The following LRIG1 variants were observed in gnomAD, a reference collection of about 807,000 sequenced individuals.
LRIG1 encodes leucine-rich repeats and immunoglobulin-like domains protein 1.
LRIG1 carries 48 observed loss-of-function variants against 99.2 expected under a neutral mutation model. That is an observed-to-expected ratio of 0.48 (90% CI 0.38 to 0.62). LRIG1 has a LOEUF of 0.62. Among genes scored for constraint, LRIG1 ranks in the 20% least tolerant of loss-of-function variants. The pLI, the probability that LRIG1 is intolerant of heterozygous loss-of-function variation, is 0.00. For synonymous variants in LRIG1, 772 were observed against 596.1 expected (o/e 1.29, Z -4.30); for missense variants, 1,646 against 1,434.4 (o/e 1.15, Z -2.38).
chr3:66,422,792 C>A (rs1392371813), intron 3 of LRIG1, among the ~76,000 whole-genome samples: 4 of 152,190 alleles, frequency 2.6e-5, no homozygotes, highest in Non-Finnish European at 5.9e-5. Flanking sequence ...GATAAAGACA[C>A]AAAGACTGGG....
chr3:66,493,840 AGAGAG>A, intron 1 of LRIG1, among the ~76,000 whole-genome samples: 1 of 144,336 alleles, frequency 6.9e-6, no homozygotes, highest in Admixed American at 6.9e-5. Context: ...AAAAAAAGAG[AGAGAG>A]AGAGAAAGAG....
intron 1 of LRIG1, among the ~76,000 whole-genome samples, chr3:66,466,040 A>AT (rs925042001): frequency 4.6e-5 from 7 of 151,896 alleles, no homozygotes; most frequent in African/African-American, 1.7e-4. Context: ...TCAGAATTTC[A>AT]TTTTTTTTAG....
intron 3 of LRIG1, among the ~76,000 whole-genome samples, chr3:66,444,254 A>G (rs578236862): frequency 6.6e-6 from 1 of 152,330 alleles, no homozygotes; most frequent in Admixed American, 6.5e-5. Context: ...TGCTGGGCAG[A>G]CTTGAGTGGT....
rs568097016 is a variant in LRIG1, at chr3:66,397,296, C to T, written c.1304+816G>A. ...CAACTGAGGGTTCATCAAGAGTGGC[C>T]TCGGGGAATGGGGATGAGGTCAGGG... On this transcript the variant is annotated intron_variant, in intron 11 of 18. Transcript: ENST00000273261. 1.0e-3 allele frequency among the ~76,000 whole-genome samples: 155 copies of T among 152,254 alleles called. 1 individual carries two copies. Among genetic ancestry groups the T allele is most frequent in the Non-Finnish European group, 1.9e-3 (132 of 68,032 alleles).
At chr3:66,493,708 A>G (rs570546213) in intron 1 of LRIG1, among the ~76,000 whole-genome samples, 28 of 152,222 alleles carry the variant, frequency 1.8e-4, no homozygotes, top group African/African-American at 5.8e-4. Context: ...AGATGGGAGG[A>G]CTGCTTGAGC....
chr3:66,500,660 T>A lies in LRIG1; in HGVS notation c.-253A>T. The A allele has an allele frequency of 3.7e-6, 1 of 272,984 alleles. No homozygotes were observed. Among genetic ancestry groups the A allele is most frequent in the Non-Finnish European group, 6.8e-6 (1 of 146,480 alleles). The allele number at this position is 272,984 out of a possible 1,614,324, so 16.9% of individuals were successfully genotyped here. On this transcript the variant is annotated 5_prime_UTR_variant, in exon 1 of 19. Coordinates refer to ENST00000273261, the MANE Select transcript of LRIG1 (RefSeq NM_015541.3). ...GGCCGGCCGGCCCGCCCGCGCTAGC[T>A]GCGAACTCCGCCGATTCGGGCAAGG...
chr3:66,398,302 C>T, intron 10 of LRIG1, 119 bp from the exon 11 acceptor site: 2 of 710,472 alleles, frequency 2.8e-6, no homozygotes, highest in South Asian at 3.6e-5. Flanking sequence ...GTCCTAACTA[C>T]TATAAGTGGC....
chr3:66,458,358 C>T (rs1169225635), intron 2 of LRIG1, among the ~76,000 whole-genome samples: 1 of 152,158 alleles, frequency 6.6e-6, no homozygotes, highest in Non-Finnish European at 1.5e-5. Flanking sequence ...TCCTTCTGCA[C>T]CCAGCTGAGA....
At position 66,383,277 on chromosome 3, in the gene LRIG1, C is replaced by G. The variant is rs145404890; in HGVS notation, c.2196G>C (p.Pro732=). The G allele has an allele frequency of 6.8e-6, 11 of 1,613,712 alleles. No homozygotes were observed. The East Asian group carries it at 2.5e-4, about 36-fold the overall frequency. ...AGTGGTGCCGCTCAGTGAGGCTCAG[C>G]GGGCGGTCCCCCTTGAACCAGGTGA... The part of the protein sequence containing the change: ...PRITWFKGDR[P]LSLTERHHLT... Residue 732 remains proline, a synonymous_variant, in exon 15 of 19, where the codon CCG becomes CCC. Coordinates refer to ENST00000273261, the MANE Select transcript of LRIG1 (RefSeq NM_015541.3).
chr3:66,380,655 CTT>C lies in LRIG1; in HGVS notation c.2975_2976del (p.Gln992ArgfsTer7), dbSNP rs1700990917. The C allele has an allele frequency of 6.2e-7, 1 of 1,614,098 alleles. No homozygotes were observed. Among genetic ancestry groups the C allele is most frequent in the African/African-American group, 1.3e-5 (1 of 74,942 alleles). ...TCGTGGTTACTGGGGTAGAGCGACC[CTT>C]GGCACTCGGGGCAGGACCCAGCGGC... Reference protein sequence around the residue: ...RTAAGSCPECQGSLYPSNHDR... With the variant: ...RTAAGSCPECXGSLYPSNHDR... On this transcript the variant is annotated frameshift_variant, in exon 18 of 19. Coordinates refer to ENST00000273261, the MANE Select transcript of LRIG1 (RefSeq NM_015541.3). LOFTEE classifies it high-confidence loss of function.
chr3:66,418,968 A>G (rs1053913551), intron 3 of LRIG1, among the ~76,000 whole-genome samples: 8 of 152,152 alleles, frequency 5.3e-5, no homozygotes, highest in African/African-American at 1.9e-4. Flanking sequence ...AAGTTCTTTA[A>G]TAAAGATAGT....
chr3:66,394,126 T>C lies in LRIG1; in HGVS notation c.1382A>G (p.Gln461Arg), dbSNP rs1701742086. The C allele has an allele frequency of 6.2e-7, 1 of 1,612,556 alleles. No individual in the cohort carries two copies. Among genetic ancestry groups the C allele is most frequent in the African/African-American group, 1.3e-5 (1 of 74,830 alleles). Reference protein sequence around the residue: ...LPPWLIGRMLQAFVTATCAHP... With the variant: ...LPPWLIGRMLRAFVTATCAHP... ...GGCACAGGTGGCTGTCACAAAGGCCTGCAGCATCCTGCCAATTAGCCACGG... is the reference window on the plus strand; with the variant it reads ...GGCACAGGTGGCTGTCACAAAGGCCCGCAGCATCCTGCCAATTAGCCACGG... Residue 461 changes from glutamine to arginine, a missense_variant, in exon 12 of 19, where the codon CAG (glutamine) becomes CGG (arginine). Transcript: ENST00000273261.
chr3:66,485,316 G>T (rs552276967), intron 1 of LRIG1, among the ~76,000 whole-genome samples: 95 of 152,212 alleles, frequency 6.2e-4, no homozygotes, highest in Middle Eastern at 3.4e-3. Flanking sequence ...ACATCTTACA[G>T]AGCCACAAAT....
chr3:66,418,907 C>A (rs1702710438), intron 3 of LRIG1, among the ~76,000 whole-genome samples: 2 of 152,172 alleles, frequency 1.3e-5, no homozygotes, highest in South Asian at 4.1e-4. Context: ...AGGACCCTTT[C>A]CCTTCCTCTC....
At chr3:66,394,272 A>C in intron 11 of LRIG1, 69 bp from the exon 12 acceptor site, 1 of 1,356,856 alleles carries the variant, frequency 7.4e-7, no homozygotes, top group Non-Finnish European at 1.0e-6. Flanking sequence ...TCACACACAC[A>C]ATGATCAGTC....
chr3:66,439,515 A>G (rs1444026113), intron 3 of LRIG1, among the ~76,000 whole-genome samples: 2 of 152,150 alleles, frequency 1.3e-5, no homozygotes, highest in African/African-American at 4.8e-5. Context: ...CTATATTACA[A>G]TAAAGCTTTT....
intron 6 of LRIG1, 77 bp downstream of exon 6, chr3:66,412,792 TGC>T: frequency 2.6e-6 from 4 of 1,530,062 alleles, no homozygotes; most frequent in Non-Finnish European, 2.7e-6. Context: ...CGCACATGCA[TGC>T]GCACACACAC....
rs779820938 is a variant in LRIG1 at position 66,407,465 on chromosome 3, C to T, written c.962G>A (p.Arg321Gln). The change falls in exon 8 of 19, where the codon CGG becomes CAG. Residue 321 changes from arginine (R) to glutamine (Q), a missense_variant. Transcript: ENST00000273261. Reference protein sequence around the residue: ...ELVLSFNNLTRLDEESLAELS... With the variant: ...ELVLSFNNLTQLDEESLAELS... ...CTCGGCCAGGCTCTCCTCGTCCAGC[C>T]GTGTCAGGTTGTTGAAGGACAGGAC... 1.3e-5 allele frequency: 21 copies of T among 1,613,986 alleles called. No individual in the cohort carries two copies. Among genetic ancestry groups the T allele is most frequent in the Non-Finnish European group, 1.4e-5 (17 of 1,180,034 alleles).
chr3:66,480,400 T>TA (rs1700821713), intron 1 of LRIG1, among the ~76,000 whole-genome samples: 1 of 151,846 alleles, frequency 6.6e-6, no homozygotes, highest in Non-Finnish European at 1.5e-5. Context: ...ACGAATATAC[T>TA]AAAAACCCAG....
Sources: gnomAD v4.1 joint callset for allele counts (sites outside exome capture counted in the v4.1 genomes callset) on GRCh38, gnomAD v4.1.1 for gene constraint, MANE v1.5 for transcripts, NCBI Gene and HGNC (gene_info 2026-07-23, HGNC 2026-07-21) for gene names.